CENPI: variants seen among roughly 807,000 people sequenced by gnomAD.
The protein encoded by CENPI is centromere protein I, also known as FSH primary response 1.
In CENPI, 4 loss-of-function variants were observed where a neutral mutation model predicts 60.4. That is an observed-to-expected ratio of 0.07 (90% CI 0.03 to 0.15). The LOEUF is 0.15. Ranked by LOEUF, CENPI falls within the 10% of genes least tolerant of loss-of-function variation. The probability of loss-of-function intolerance (pLI) is 1.00; values close to 1 mark genes in which losing one functional copy is unlikely to be tolerated. For synonymous variants in CENPI, 157 were observed against 189.4 expected (o/e 0.83, Z 1.40); for missense variants, 444 against 534.5 (o/e 0.83, Z 1.67).
chrX:101,174,068 G>A, the CENPI span, among the ~76,000 whole-genome samples: 1 of 112,158 alleles, frequency 8.9e-6, no homozygotes, highest in Middle Eastern at 4.6e-3. Context: ...CAGTCAGAAT[G>A]ACTATTATAA....
chrX:101,133,492 A>G (rs759453060), intron 15 of CENPI, among the ~76,000 whole-genome samples: 4 of 109,381 alleles, frequency 3.7e-5, no homozygotes, highest in Non-Finnish European at 5.7e-5. Flanking sequence ...GCTGTGGTTC[A>G]ACCTAATATG....
chrX:101,173,640 C>A, the CENPI span, among the ~76,000 whole-genome samples: 1 of 110,736 alleles, frequency 9.0e-6, no homozygotes, highest in African/African-American at 3.3e-5. Context: ...CATAGAAATA[C>A]AAAAGATCCT....
At chrX:101,143,239 A>T (rs773813942) in intron 16 of CENPI, among the ~76,000 whole-genome samples, 34 of 110,470 alleles carry the variant, frequency 3.1e-4, no homozygotes, top group Non-Finnish European at 1.7e-4. Context: ...AAGATTATAC[A>T]TGTTCTTTTC....
chrX:101,166,914 C>A (rs935484533), downstream of CENPI, among the ~76,000 whole-genome samples: 9 of 112,067 alleles, frequency 8.0e-5, no homozygotes, highest in African/African-American at 2.9e-4. Context: ...CACATGCCAC[C>A]ACACCCAGCT....
At position 101,147,427 on chromosome X, in the gene CENPI, C is replaced by G. The variant is rs1877161778; in HGVS notation, c.1827-336C>G. Among the ~76,000 whole-genome samples the G allele has an allele frequency of 3.6e-5, 4 of 109,706 alleles. No homozygotes were observed. The South Asian group carries it at 1.6e-3, about 44-fold the overall frequency. On this transcript the variant is annotated intron_variant, in intron 18 of 21. Transcript: ENST00000682095. ...AGGCCCCAGTGTGTGATGTTCTCCTCCCTGTGTCCATGTGTTCTCATTGTT... is the reference window on the plus strand; with the variant it reads ...AGGCCCCAGTGTGTGATGTTCTCCTGCCTGTGTCCATGTGTTCTCATTGTT...
intron 16 of CENPI, 92 bp from the exon 17 acceptor site, chrX:101,144,971 AC>A: frequency 2.7e-6 from 2 of 739,291 alleles, no homozygotes; most frequent in Admixed American, 6.9e-5. Context: ...TAAAATCCTC[AC>A]CAACATTTTG....
chrX:101,132,491 A>ATAATACATCCTAT, intron 15 of CENPI, 35 bp downstream of exon 15: 1 of 1,091,936 alleles, frequency 9.2e-7, no homozygotes, highest in Non-Finnish European at 1.3e-6. Flanking sequence ...ATTCAATAGG[A>ATAATACATCCTAT]TGTATTATTC....
At chrX:101,137,909 A>G (rs1350034694) in intron 15 of CENPI, among the ~76,000 whole-genome samples, 1 of 80,544 alleles carries the variant, frequency 1.2e-5, no homozygotes, top group Non-Finnish European at 2.4e-5. Context: ...ATGGCTGTCT[A>G]TTCAGGATAT....
At chrX:101,141,009 C>G (rs1251161138) in intron 16 of CENPI, 2 of 245,162 alleles carry the variant, frequency 8.2e-6, no homozygotes, top group Non-Finnish European at 1.4e-5. Flanking sequence ...GTTAATATAA[C>G]AAAACACTAG....
the CENPI span, among the ~76,000 whole-genome samples, chrX:101,180,698 T>C: frequency 8.9e-6 from 1 of 112,028 alleles, no homozygotes; most frequent in Non-Finnish European, 1.9e-5. Context: ...ATTTACATCA[T>C]TGTTTTCTTC....
At chrX:101,166,357 T>C (rs910826007), downstream of CENPI, among the ~76,000 whole-genome samples, 3 of 112,338 alleles carry the variant, frequency 2.7e-5, no homozygotes, top group African/African-American at 9.7e-5. Context: ...GGTTTCATCA[T>C]GTTGGCCAGG....
At chrX:101,170,869 C>A (rs182448352), downstream of CENPI, among the ~76,000 whole-genome samples, 5 of 110,750 alleles carry the variant, frequency 4.5e-5, no homozygotes, top group African/African-American at 1.6e-4. Context: ...TGGGCTCAAG[C>A]GATCTGTGCG....
downstream of CENPI, among the ~76,000 whole-genome samples, chrX:101,169,456 C>T (rs950555443): frequency 1.8e-5 from 2 of 111,993 alleles, no homozygotes; most frequent in African/African-American, 3.2e-5. Flanking sequence ...CATAGTGCAA[C>T]GTGTTACATG....
chrX:101,155,594 A>G (rs145918075), intron 20 of CENPI, among the ~76,000 whole-genome samples: 2,074 of 112,022 alleles, frequency 0.019, 57 homozygotes, highest in African/African-American at 0.064. Context: ...GATATGGTAT[A>G]TTCCATTAAT....
intron 4 of CENPI, among the ~76,000 whole-genome samples, chrX:101,103,236 C>T (rs1403547998): frequency 9.1e-6 from 1 of 110,082 alleles, no homozygotes; most frequent in South Asian, 3.9e-4. Flanking sequence ...CCTCGTGATC[C>T]ACCCGCCTCG....
At chrX:101,129,950 C>T (rs780720191) in intron 12 of CENPI, 32 bp from the exon 13 acceptor site, 5 of 972,102 alleles carry the variant, frequency 5.1e-6, no homozygotes, top group Non-Finnish European at 7.3e-6. Context: ...TGTGGTACAA[C>T]TAGATGCTTA....
chrX:101,141,651 A>G (rs2148223297), intron 16 of CENPI, among the ~76,000 whole-genome samples: 1 of 111,221 alleles, frequency 9.0e-6, no homozygotes, highest in African/African-American at 3.3e-5. Context: ...GCCAAGAACC[A>G]CTATTATAAA....
At chrX:101,171,321 A>G in the CENPI span, among the ~76,000 whole-genome samples, 29 of 112,183 alleles carry the variant, frequency 2.6e-4, 1 homozygote, top group African/African-American at 9.4e-4. Context: ...TTAAAATGAA[A>G]AGACTATAGT....
intron 4 of CENPI, among the ~76,000 whole-genome samples, chrX:101,107,170 T>C (rs1471388557): frequency 9.1e-6 from 1 of 110,089 alleles, no homozygotes; most frequent in African/African-American, 3.3e-5. Flanking sequence ...ATATTTATGT[T>C]TTTATTTCTG....
Sources: gnomAD v4.1 joint callset for allele counts (sites outside exome capture counted in the v4.1 genomes callset) on GRCh38, gnomAD v4.1.1 for gene constraint, MANE v1.5 for transcripts, NCBI Gene and HGNC (gene_info 2026-07-23, HGNC 2026-07-21) for gene names.